IL1RAP: variants seen among roughly 807,000 people sequenced by gnomAD.
IL1RAP encodes interleukin-1 receptor accessory protein.
In IL1RAP, 35 loss-of-function variants were observed where a neutral mutation model predicts 60.7. The ratio of observed to expected loss-of-function variants is 0.58; its 90% CI spans 0.44 to 0.76. The LOEUF is 0.76. IL1RAP is among the 30% of genes least tolerant of loss of function. The pLI is 0.00. For missense variants in IL1RAP, 572 were observed against 693.9 expected, an observed-to-expected ratio of 0.82 and a Z score of 1.97; for synonymous variants, 268 against 250.9, an observed-to-expected ratio of 1.07 and a Z score of -0.64.
intron 1 of IL1RAP, among the ~76,000 whole-genome samples, chr3:190,527,684 A>ATTTTTTTT (rs58914187): frequency 1.8e-5 from 2 of 112,942 alleles, no homozygotes; most frequent in East Asian, 2.6e-4. Context: ...GCTTGTTTAC[A>ATTTTTTTT]TTTTTTTTTT....
intron 11 of IL1RAP, among the ~76,000 whole-genome samples, chr3:190,646,313 T>C (rs888486061): frequency 6.6e-6 from 1 of 152,178 alleles, no homozygotes; most frequent in Non-Finnish European, 1.5e-5. Context: ...TTTCCTTATG[T>C]GATTCACTGA....
At chr3:190,540,248 T>C (rs979738113) in intron 1 of IL1RAP, among the ~76,000 whole-genome samples, 9 of 152,056 alleles carry the variant, frequency 5.9e-5, no homozygotes, top group Non-Finnish European at 1.5e-5. Flanking sequence ...CTCTTCTCTC[T>C]TCCGTCCTCT....
chr3:190,589,278 A>T (rs1448640084), intron 3 of IL1RAP, among the ~76,000 whole-genome samples: 1 of 151,950 alleles, frequency 6.6e-6, no homozygotes, highest in South Asian at 2.1e-4. Flanking sequence ...GCCACTCAGC[A>T]CCCCCACCTC....
intron 4 of IL1RAP, among the ~76,000 whole-genome samples, chr3:190,608,463 T>A (rs1166082015): frequency 2.0e-5 from 3 of 152,112 alleles, no homozygotes; most frequent in Admixed American, 2.0e-4. Flanking sequence ...GGACTGGAAG[T>A]TGTTCTGGGA....
intron 5 of IL1RAP, among the ~76,000 whole-genome samples, chr3:190,617,304 A>G (rs1167208896): frequency 1.3e-5 from 2 of 152,158 alleles, no homozygotes; most frequent in African/African-American, 4.8e-5. Context: ...GAATGGAAAC[A>G]CTTGTTCTTA....
intron 1 of IL1RAP, among the ~76,000 whole-genome samples, chr3:190,549,890 T>G (rs1724711670): frequency 6.6e-6 from 1 of 152,130 alleles, no homozygotes; most frequent in South Asian, 2.1e-4. Context: ...GGGTTCAGGA[T>G]GCATTTAAAG....
exon 12 of IL1RAP, chr3:190,659,100 C>T (rs948213452): frequency 6.6e-6 from 1 of 152,170 alleles, no homozygotes; most frequent in Non-Finnish European, 1.5e-5. Flanking sequence ...TTCTCTGACC[C>T]ACTATCAGTG....
At chr3:190,580,753 T>C (rs1727927705) in intron 3 of IL1RAP, among the ~76,000 whole-genome samples, 1 of 152,208 alleles carries the variant, frequency 6.6e-6, no homozygotes, top group Non-Finnish European at 1.5e-5. Flanking sequence ...CAATTCTGTA[T>C]TGTATACTTA....
chr3:190,515,007 A>G (rs941983786), intron 1 of IL1RAP, among the ~76,000 whole-genome samples: 1 of 152,200 alleles, frequency 6.6e-6, no homozygotes, highest in African/African-American at 2.4e-5. Context: ...GTTTCCTTTA[A>G]GAGCTAGCCC....
chr3:190,545,927 A>C (rs902274096), intron 1 of IL1RAP, among the ~76,000 whole-genome samples: 2 of 152,166 alleles, frequency 1.3e-5, no homozygotes, highest in African/African-American at 4.8e-5. Context: ...TGTTTTAAAA[A>C]TATTTTTGTG....
At chr3:190,599,247 T>C (rs1351579237) in intron 3 of IL1RAP, among the ~76,000 whole-genome samples, 1 of 152,178 alleles carries the variant, frequency 6.6e-6, no homozygotes, top group Non-Finnish European at 1.5e-5. Context: ...TATTATTGTT[T>C]TATTCTCTCA....
At chr3:190,532,930 G>T (rs1723117038) in intron 1 of IL1RAP, among the ~76,000 whole-genome samples, 1 of 152,096 alleles carries the variant, frequency 6.6e-6, no homozygotes, top group Admixed American at 6.5e-5. Context: ...TTAATCAATT[G>T]ATGATAGTTC....
intron 3 of IL1RAP, among the ~76,000 whole-genome samples, chr3:190,588,260 T>G (rs1577669249): frequency 6.6e-6 from 1 of 152,138 alleles, no homozygotes; most frequent in Non-Finnish European, 1.5e-5. Context: ...ACTACAGGCA[T>G]GCGCCACCAC....
intron 5 of IL1RAP, chr3:190,615,304 G>C (rs1222950118): frequency 7.8e-7 from 1 of 1,279,600 alleles, no homozygotes. Context: ...ATGGGAGACT[G>C]CCTTGTTTAT....
intron 4 of IL1RAP, among the ~76,000 whole-genome samples, chr3:190,607,049 A>T (rs1730389278): frequency 6.6e-6 from 1 of 152,152 alleles, no homozygotes. Context: ...ATTTGTAGGT[A>T]GGGGTCATGC....
chr3:190,521,633 C>T (rs942504888), intron 1 of IL1RAP, among the ~76,000 whole-genome samples: 44 of 151,920 alleles, frequency 2.9e-4, no homozygotes, highest in African/African-American at 9.9e-4. Flanking sequence ...TCATTGGCCT[C>T]GGTGAGAATT....
Position 190,649,766 on chromosome 3 carries a change from C to T in IL1RAP, c.*1061C>T, listed in dbSNP as rs1254813657. ...AGAGAATTAACTGTATTTCCTGTCA[C>T]CTATTCACTAGTGCAGGAAATATAC... is the stretch of plus-strand genomic sequence containing the variant. On this transcript the variant is annotated 3_prime_UTR_variant, in exon 12 of 12. Coordinates refer to ENST00000447382, the MANE Select transcript of IL1RAP (RefSeq NM_002182.4). The T allele has an allele frequency of 5.1e-6, 5 of 985,320 alleles. No individual in the cohort carries two copies. In the East Asian group the frequency reaches 3.4e-4, roughly 67 times the overall value. The allele number at this position is 985,320 out of a possible 1,614,324, so 61.0% of individuals were successfully genotyped here. A position where few individuals can be genotyped will look rare whatever the true frequency, so the allele number is the denominator to read the frequency against.
chr3:190,614,679 C>T (rs548535115), intron 5 of IL1RAP, among the ~76,000 whole-genome samples: 1 of 152,184 alleles, frequency 6.6e-6, no homozygotes, highest in South Asian at 2.1e-4. Flanking sequence ...TGTAATGTGT[C>T]AGGAAACCAC....
intron 11 of IL1RAP, among the ~76,000 whole-genome samples, chr3:190,647,241 G>C (rs945197381): frequency 3.3e-5 from 5 of 151,994 alleles, no homozygotes; most frequent in African/African-American, 1.2e-4. Context: ...TCTCCCCCAG[G>C]CTGTGCATGC....
Sources: allele counts gnomAD v4.1 joint callset (sites outside exome capture counted in the v4.1 genomes callset), GRCh38; gene constraint gnomAD v4.1.1; transcripts MANE v1.5; gene names NCBI Gene and HGNC (gene_info 2026-07-23, HGNC 2026-07-21).